Variants in DOCK10 observed in about 807,000 individuals in gnomAD.
DOCK10 encodes the protein dedicator of cytokinesis 10.
DOCK10 carries 145 observed loss-of-function variants against 280.1 expected under a neutral mutation model. That is an observed-to-expected ratio of 0.52 (90% CI 0.45 to 0.59). The LOEUF (loss-of-function observed/expected upper bound fraction) is 0.59. DOCK10 is among the 20% of genes least tolerant of loss of function. DOCK10 has a pLI of 0.00. For synonymous variants in DOCK10, 915 were observed against 942.2 expected (o/e 0.97, Z 0.53); for missense variants, 2,368 against 2,651.7 (o/e 0.89, Z 2.35).
At chr2:224,905,395 C>G (rs949977258) in intron 3 of DOCK10, among the ~76,000 whole-genome samples, 14 of 151,724 alleles carry the variant, frequency 9.2e-5, no homozygotes, top group African/African-American at 3.4e-4. Context: ...CTACAGGCGC[C>G]CGCCACCGCG....
At chr2:224,919,790 A>G (rs1186981787) in intron 2 of DOCK10, among the ~76,000 whole-genome samples, 1 of 152,100 alleles carries the variant, frequency 6.6e-6, no homozygotes, top group Non-Finnish European at 1.5e-5. Flanking sequence ...TAGATTTAAT[A>G]AGATCAGAGG....
At chr2:224,885,030 CT>C (rs1408450614) in intron 7 of DOCK10, among the ~76,000 whole-genome samples, 1 of 152,176 alleles carries the variant, frequency 6.6e-6, no homozygotes, top group Non-Finnish European at 1.5e-5. Flanking sequence ...GACAGAGTCT[CT>C]CTCTGTCACC....
intron 23 of DOCK10, among the ~76,000 whole-genome samples, chr2:224,841,167 G>A (rs991007785): frequency 1.3e-5 from 2 of 152,114 alleles, no homozygotes; most frequent in South Asian, 2.1e-4. Flanking sequence ...TAGATAGGAG[G>A]AATATTGCAC....
chr2:224,954,320 A>G (rs1375543773), intron 1 of DOCK10, among the ~76,000 whole-genome samples: 8 of 152,236 alleles, frequency 5.3e-5, no homozygotes, highest in Non-Finnish European at 1.0e-4. Flanking sequence ...CCAGAAAAAA[A>G]TTATAGTCCA....
intron 14 of DOCK10, among the ~76,000 whole-genome samples, chr2:224,858,617 G>T (rs1697300714): frequency 6.6e-6 from 1 of 152,212 alleles, no homozygotes; most frequent in Admixed American, 6.5e-5. Flanking sequence ...TTGTGCCACT[G>T]CACTTCAGCC....
Position 224,974,178 on chromosome 2 carries a change from T to C in DOCK10, c.124-42510A>G, listed in dbSNP as rs113528127. On this transcript the variant is annotated intron_variant, in intron 1 of 55. Transcript: ENST00000258390. ...GCAGCAGTCTATTGTCATCTGTGCCTACCAAATGCAAGGTGCAATTGTCTC... is the reference window on the plus strand; with the variant it reads ...GCAGCAGTCTATTGTCATCTGTGCCCACCAAATGCAAGGTGCAATTGTCTC... 4.8e-3 allele frequency among the ~76,000 whole-genome samples: 725 copies of C among 152,348 alleles called. 2 individuals carry two copies. The highest frequency in any genetic ancestry group is 0.017 in the African/African-American group (693 of 41,588).
intron 7 of DOCK10, 55 bp from the exon 8 acceptor site, chr2:224,876,276 GA>G (rs918926521): frequency 5.0e-5 from 71 of 1,429,538 alleles, no homozygotes; most frequent in Non-Finnish European, 6.4e-5. Context: ...AAGCCTTCGA[GA>G]GAGAGATCAT....
intron 27 of DOCK10, among the ~76,000 whole-genome samples, chr2:224,828,381 A>C (rs1695004252): frequency 6.6e-6 from 1 of 152,212 alleles, no homozygotes. Context: ...TGCTCTGAGA[A>C]TCTAGAGATG....
chr2:224,987,576 T>C (rs901811179), intron 1 of DOCK10, among the ~76,000 whole-genome samples: 2 of 152,172 alleles, frequency 1.3e-5, no homozygotes, highest in African/African-American at 4.8e-5. Flanking sequence ...GGTGTATATC[T>C]AGTTGGCCTG....
chr2:224,833,827 T>C (rs2125412895), intron 26 of DOCK10, among the ~76,000 whole-genome samples: 1 of 152,214 alleles, frequency 6.6e-6, no homozygotes, highest in Non-Finnish European at 1.5e-5. Context: ...TGTTTTTGTA[T>C]TTTTAGTAGA....
chr2:224,907,767 A>G (rs1370380891), intron 3 of DOCK10, among the ~76,000 whole-genome samples: 1 of 151,596 alleles, frequency 6.6e-6, no homozygotes, highest in Non-Finnish European at 1.5e-5. Context: ...AGGGTTTAAT[A>G]TTTTCTTTTT....
intron 1 of DOCK10, among the ~76,000 whole-genome samples, chr2:224,948,266 T>C (rs1429934972): frequency 1.3e-5 from 2 of 152,256 alleles, no homozygotes; most frequent in African/African-American, 2.4e-5. Flanking sequence ...GCATGCAGAC[T>C]GAGAAGACCT....
At chr2:224,852,306 T>C in intron 18 of DOCK10, 71 bp downstream of exon 18, 1 of 1,202,602 alleles carries the variant, frequency 8.3e-7, no homozygotes, top group Non-Finnish European at 1.2e-6. Context: ...TAAAAAGCCC[T>C]GCAATGGTGG....
intron 16 of DOCK10, among the ~76,000 whole-genome samples, chr2:224,854,662 TA>T (rs1261066291): frequency 1.3e-5 from 2 of 152,224 alleles, no homozygotes; most frequent in Non-Finnish European, 2.9e-5. Context: ...CATAATTTAA[TA>T]CCTTGTTAGG....
chr2:224,817,344 A>G (rs755055898), intron 29 of DOCK10, among the ~76,000 whole-genome samples: 2 of 152,206 alleles, frequency 1.3e-5, no homozygotes, highest in Non-Finnish European at 2.9e-5. Flanking sequence ...AAAAATAAGC[A>G]TGTTCCTGAC....
intron 11 of DOCK10, among the ~76,000 whole-genome samples, chr2:224,868,678 T>C (rs1427365821): frequency 6.6e-6 from 1 of 152,186 alleles, no homozygotes; most frequent in Admixed American, 6.5e-5. Flanking sequence ...GCTCCCTTAC[T>C]GTTAGAAAAA....
intron 50 of DOCK10, among the ~76,000 whole-genome samples, chr2:224,778,590 G>A (rs940540063): frequency 2.0e-5 from 3 of 152,112 alleles, no homozygotes; most frequent in Non-Finnish European, 2.9e-5. Flanking sequence ...ATATTTTGGG[G>A]GAAGAATGCC....
intron 7 of DOCK10, among the ~76,000 whole-genome samples, chr2:224,884,709 T>C (rs1311628820): frequency 1.3e-5 from 2 of 152,224 alleles, no homozygotes; most frequent in African/African-American, 4.8e-5. Context: ...TTAGACTCTC[T>C]GGAATCAGTG....
intron 1 of DOCK10, among the ~76,000 whole-genome samples, chr2:224,995,332 G>A (rs1296846401): frequency 6.6e-6 from 1 of 152,170 alleles, no homozygotes; most frequent in South Asian, 2.1e-4. Context: ...GTTGGAGTCC[G>A]CCTTGAAGAC....
Sources: allele counts gnomAD v4.1 joint callset (sites outside exome capture counted in the v4.1 genomes callset), GRCh38; gene constraint gnomAD v4.1.1; transcripts MANE v1.5; gene names NCBI Gene and HGNC (gene_info 2026-07-23, HGNC 2026-07-21).